The following ITGA5 variants were observed in gnomAD, a reference collection of about 807,000 sequenced individuals.
ITGA5 encodes the protein integrin subunit alpha 5.
A neutral mutation model predicts 146.3 loss-of-function variants in ITGA5; 55 were observed. That is an observed-to-expected ratio of 0.38 (90% CI 0.30 to 0.47). The LOEUF (loss-of-function observed/expected upper bound fraction) is 0.47, where lower values mean the gene tolerates loss of function less well. ITGA5 is among the 20% of genes least tolerant of loss of function. The probability of loss-of-function intolerance (pLI) is 0.99; values close to 1 mark genes in which losing one functional copy is unlikely to be tolerated. For synonymous variants in ITGA5, 500 were observed against 531.8 expected, an observed-to-expected ratio of 0.94 and a Z score of 0.82; for missense variants, 1,131 against 1,329.0, an observed-to-expected ratio of 0.85 and a Z score of 2.32.
Position 54,404,851 on chromosome 12 carries a change from T to C in ITGA5, c.1269A>G (p.Gly423=), listed in dbSNP as rs1227585726. 2 of 1,607,830 alleles carry C rather than the reference T, an allele frequency of 1.2e-6. No individual in the cohort carries two copies. The highest frequency in any genetic ancestry group is 1.7e-6 in the Non-Finnish European group (2 of 1,177,628). Reference sequence around the variant, plus strand: ...GGCCCCCAGGAAATACAAACACTACTCCCTGCTGGGTCTCCCCACCAAAGG... The same window carrying C: ...GGCCCCCAGGAAATACAAACACTACCCCCTGCTGGGTCTCCCCACCAAAGG... ...GAPFGGETQQ[G]VVFVFPGGPG... The change falls in exon 13 of 30, where the codon GGA becomes GGG. Residue 423 remains glycine (G), a synonymous_variant. Transcript: ENST00000293379.
chr12:54,402,967 C>A lies in ITGA5; in HGVS notation c.1982+16G>T. Reference sequence around the variant, plus strand: ...GTGCACCTGGAGCTCCCTAGCTTACCGTCAGCCCTACTTACCCAAACACTT... The same window carrying A: ...GTGCACCTGGAGCTCCCTAGCTTACAGTCAGCCCTACTTACCCAAACACTT... On this transcript the variant is annotated intron_variant, in intron 19 of 29. Coordinates refer to ENST00000293379, the MANE Select transcript of ITGA5 (RefSeq NM_002205.5). 1 of 1,612,056 alleles carries A rather than the reference C, an allele frequency of 6.2e-7. No homozygotes were observed. The highest frequency in any genetic ancestry group is 1.3e-5 in the African/African-American group (1 of 75,002).
chr12:54,397,124 A>G (rs752343130), intron 29 of ITGA5: 37 of 370,858 alleles, frequency 1.0e-4, no homozygotes, highest in Admixed American at 2.9e-4. Context: ...TTGGGTTCCA[A>G]TGATTTTGCA....
chr12:54,404,092 C>A, intron 15 of ITGA5, 53 bp downstream of exon 15: 4 of 1,559,306 alleles, frequency 2.6e-6, no homozygotes, highest in South Asian at 1.1e-5. Context: ...AGACTTGGTG[C>A]CCCTGCCCAC....
chr12:54,399,538 G>T, intron 27 of ITGA5, 107 bp downstream of exon 27: 1 of 785,702 alleles, frequency 1.3e-6, no homozygotes, highest in Non-Finnish European at 2.2e-6. Context: ...CTGGAGTGCT[G>T]GGTCCCATTC....
intron 9 of ITGA5, among the ~76,000 whole-genome samples, chr12:54,407,178 G>C (rs987599503): frequency 1.3e-5 from 2 of 152,204 alleles, no homozygotes; most frequent in African/African-American, 4.8e-5. Flanking sequence ...TAACATACTT[G>C]ATTAGAAGCA....
At chr12:54,406,685 T>G (rs1350413255) in intron 9 of ITGA5, among the ~76,000 whole-genome samples, 1 of 152,238 alleles carries the variant, frequency 6.6e-6, no homozygotes, top group African/African-American at 2.4e-5. Flanking sequence ...TAAGTTGGGC[T>G]GAAATTGTTT....
At chr12:54,404,115 G>A in intron 15 of ITGA5, 30 bp downstream of exon 15, 3 of 1,571,208 alleles carry the variant, frequency 1.9e-6, no homozygotes, top group East Asian at 2.2e-5. Context: ...CCAGGCTCAG[G>A]TCTCTGCAAT....
chr12:54,401,525 C>T lies in ITGA5; in HGVS notation c.2388-47G>A. Reference sequence around the variant, plus strand: ...AGGAGGGTGGAAGGAACCCCATATGCATCCTTCCCTAGAAGTCTGTGTCCC... The same window carrying T: ...AGGAGGGTGGAAGGAACCCCATATGTATCCTTCCCTAGAAGTCTGTGTCCC... On this transcript the variant is annotated intron_variant, in intron 23 of 29. Transcript: ENST00000293379. The surrounding 1 kb of genome is among the most constrained non-coding windows in gnomAD (Gnocchi z 5.0). The T allele has an allele frequency of 6.3e-7, 1 of 1,580,506 alleles. No individual in the cohort carries two copies. Among genetic ancestry groups the T allele is most frequent in the African/African-American group, 1.4e-5 (1 of 72,056 alleles).
Position 54,403,552 on chromosome 12 carries a change from C to T in ITGA5, c.1776+73G>A, listed in dbSNP as rs1414530285. 1.1e-5 allele frequency: 16 copies of T among 1,509,088 alleles called. No individual in the cohort carries two copies. The highest frequency in any genetic ancestry group is 1.4e-5 in the Non-Finnish European group (16 of 1,117,430). 93.5% of individuals were successfully genotyped at this position (1,509,088 alleles called of 1,614,324 possible). A position where few individuals can be genotyped will look rare whatever the true frequency, so the allele number is the denominator to read the frequency against. Reference sequence around the variant, plus strand: ...TCACTGGAGTCCCCCAGTCTTTTTCCCTTCAGGAGGTGCCCTCAGTTCTGT... The same window carrying T: ...TCACTGGAGTCCCCCAGTCTTTTTCTCTTCAGGAGGTGCCCTCAGTTCTGT... On this transcript the variant is annotated intron_variant, in intron 17 of 29. Transcript: ENST00000293379. The surrounding 1 kb of genome is among the most constrained non-coding windows in gnomAD (Gnocchi z 4.9).
intron 25 of ITGA5, 166 bp from the exon 26 acceptor site, chr12:54,400,113 T>C (rs747317976): frequency 9.0e-5 from 54 of 599,644 alleles, no homozygotes; most frequent in Non-Finnish European, 1.6e-4. Flanking sequence ...GGTTAAAATA[T>C]GGAAATGAGG....
rs1955787706 is a variant in ITGA5 at position 54,401,790 on chromosome 12, G to A, written c.2292C>T (p.Asp764=). 2.5e-6 allele frequency: 4 copies of A among 1,614,178 alleles called. No individual in the cohort carries two copies. Among genetic ancestry groups the A allele is most frequent in the Non-Finnish European group, 3.4e-6 (4 of 1,180,002 alleles). The change falls in exon 22 of 30, where the codon GAC becomes GAT. Residue 764 remains aspartate (D), a synonymous_variant. Transcript: ENST00000293379. The surrounding 1 kb of genome is among the most constrained non-coding windows in gnomAD (Gnocchi z 5.0). Reference sequence around the variant, plus strand: ...TCACTCCCTACCTGAGGATCTGGAAGTCAAACTGGATGGTTTTCTTAGTGT... The same window carrying A: ...TCACTCCCTACCTGAGGATCTGGAAATCAAACTGGATGGTTTTCTTAGTGT... ...LRDTKKTIQF[D]FQILSKNLNN...
chr12:54,400,671 G>GA, intron 25 of ITGA5, 175 bp downstream of exon 25: 1 of 590,748 alleles, frequency 1.7e-6, no homozygotes, highest in East Asian at 3.0e-5. Flanking sequence ...CACAGTGGAT[G>GA]AAAGTCCTTT....
chr12:54,411,619 G>A (rs1955944188), intron 2 of ITGA5, among the ~76,000 whole-genome samples: 1 of 152,212 alleles, frequency 6.6e-6, no homozygotes, highest in South Asian at 2.1e-4. Flanking sequence ...ACATGTTTCT[G>A]AATCATGCCC....
chr12:54,404,946 TA>T (rs1424785553), intron 12 of ITGA5, 52 bp from the exon 13 acceptor site: 1 of 1,411,644 alleles, frequency 7.1e-7, no homozygotes, highest in African/African-American at 1.5e-5. Flanking sequence ...CCATGGGCTC[TA>T]ATCTCTACTA....
intron 1 of ITGA5, chr12:54,412,197 C>G (rs1219414393): frequency 2.3e-6 from 1 of 436,684 alleles, no homozygotes; most frequent in Non-Finnish European, 4.1e-6. Flanking sequence ...CCGCCATTCT[C>G]TGTCCTCTCC....
intron 2 of ITGA5, 81 bp downstream of exon 2, chr12:54,411,753 C>T: frequency 7.8e-7 from 1 of 1,282,886 alleles, no homozygotes; most frequent in African/African-American, 1.5e-5. Flanking sequence ...AGGCTCCACC[C>T]CTCGCCCCAG....
chr12:54,398,865 G>A, intron 27 of ITGA5, 167 bp from the exon 28 acceptor site: 1 of 487,852 alleles, frequency 2.0e-6, no homozygotes, highest in South Asian at 2.7e-5. Flanking sequence ...TTTGAGACTA[G>A]GTCTCACTCT....
chr12:54,412,985 C>T (rs2091767), intron 1 of ITGA5, among the ~76,000 whole-genome samples: 140,123 of 152,244 alleles, frequency 0.92, 64,571 homozygotes, highest in East Asian at 0.95. Flanking sequence ...CTTCTCAATC[C>T]CTCTGTCCCT....
In ITGA5 at chr12:54,395,375, G is replaced by C. The variant is rs140527152; in HGVS notation, c.*918C>G. 6.5e-6 allele frequency: 1 copy of C among 152,900 alleles called. No individual in the cohort carries two copies. Among genetic ancestry groups the C allele is most frequent in the East Asian group, 1.9e-4 (1 of 5,188 alleles). The allele number at this position is 152,900 out of a possible 1,614,324, so 9.5% of individuals were successfully genotyped here. ...AGGGAAGGGTTGGGCAGAGAGATGA[G>C]GGGCAGCATCAGTGCAGCTGGCAGG... is the stretch of plus-strand genomic sequence containing the variant. On this transcript the variant is annotated 3_prime_UTR_variant, in exon 30 of 30. Coordinates refer to ENST00000293379, the MANE Select transcript of ITGA5 (RefSeq NM_002205.5).
Sources: gnomAD v4.1 joint callset for allele counts (sites outside exome capture counted in the v4.1 genomes callset) on GRCh38, gnomAD v4.1.1 for gene constraint, Gnocchi (gnomAD v3.1) non-coding constraint, MANE v1.5 for transcripts, NCBI Gene and HGNC (gene_info 2026-07-23, HGNC 2026-07-21) for gene names.